Variants in ZFPM2 observed in about 807,000 individuals in gnomAD.
ZFPM2 encodes zinc finger protein ZFPM2.
A neutral mutation model predicts 98.6 loss-of-function variants in ZFPM2; 20 were observed. That is an observed-to-expected ratio of 0.20 (90% confidence interval 0.14 to 0.29). The LOEUF is 0.29. Ranked by LOEUF, ZFPM2 falls within the 10% of genes least tolerant of loss-of-function variation. The pLI is 1.00. For missense variants in ZFPM2, 1,310 were observed against 1,388.6 expected (o/e 0.94, Z 0.90); for synonymous variants, 518 against 502.7 (o/e 1.03, Z -0.41).
chr8:105,571,363 TG>T (rs1815351076), intron 4 of ZFPM2, among the ~76,000 whole-genome samples: 1 of 152,322 alleles, frequency 6.6e-6, no homozygotes, highest in African/African-American at 2.4e-5. Flanking sequence ...AGTGAGGAAG[TG>T]GTTTGTAAAG....
intron 3 of ZFPM2, among the ~76,000 whole-genome samples, chr8:105,469,724 T>C (rs1290284788): frequency 6.6e-6 from 1 of 152,228 alleles, no homozygotes; most frequent in Non-Finnish European, 1.5e-5. Flanking sequence ...CCAGTAAGTT[T>C]TAAAAATTTT....
At chr8:105,474,319 G>C (rs993097555) in intron 3 of ZFPM2, among the ~76,000 whole-genome samples, 3 of 152,166 alleles carry the variant, frequency 2.0e-5, no homozygotes, top group African/African-American at 7.2e-5. Context: ...TTTCAATCCA[G>C]CTACAACTAT....
chr8:105,638,280 C>T (rs1344750011), intron 5 of ZFPM2, among the ~76,000 whole-genome samples: 1 of 151,926 alleles, frequency 6.6e-6, no homozygotes, highest in Non-Finnish European at 1.5e-5. Context: ...CAGCCTGGGG[C>T]CTAAAAGTAA....
At chr8:105,323,823 C>T (rs1020144243) in intron 1 of ZFPM2, among the ~76,000 whole-genome samples, 1 of 151,798 alleles carries the variant, frequency 6.6e-6, no homozygotes, top group African/African-American at 2.4e-5. Context: ...ATTTTTATCT[C>T]TAATTGCTTA....
At chr8:105,331,895 A>G (rs1224875925) in intron 1 of ZFPM2, among the ~76,000 whole-genome samples, 5 of 151,732 alleles carry the variant, frequency 3.3e-5, no homozygotes, top group Admixed American at 3.3e-4. Flanking sequence ...AAGTCAAGTC[A>G]TATCACTTCA....
At chr8:105,410,726 A>G (rs1407903922) in intron 1 of ZFPM2, among the ~76,000 whole-genome samples, 3 of 151,968 alleles carry the variant, frequency 2.0e-5, no homozygotes, top group African/African-American at 7.2e-5. Context: ...AAAAGTGTAT[A>G]TGTGGTATCT....
chr8:105,418,358 C>T (rs1471230647), intron 1 of ZFPM2, among the ~76,000 whole-genome samples: 2 of 152,076 alleles, frequency 1.3e-5, no homozygotes, highest in Non-Finnish European at 2.9e-5. Context: ...ACAATCAGCC[C>T]AGTGGTATTC....
At chr8:105,772,200 G>T (rs1812992505) in intron 5 of ZFPM2, among the ~76,000 whole-genome samples, 1 of 152,146 alleles carries the variant, frequency 6.6e-6, no homozygotes, top group South Asian at 2.1e-4. Context: ...AATGGCAAGG[G>T]TTGAGGGTTG....
chr8:105,703,834 A>C (rs541831921), intron 5 of ZFPM2, among the ~76,000 whole-genome samples: 2 of 152,268 alleles, frequency 1.3e-5, no homozygotes, highest in South Asian at 4.1e-4. Flanking sequence ...CAACTGTTTT[A>C]ATATATGTCT....
chr8:105,414,666 G>T (rs1162517501), intron 1 of ZFPM2, among the ~76,000 whole-genome samples: 2 of 150,816 alleles, frequency 1.3e-5, no homozygotes, highest in African/African-American at 4.9e-5. Flanking sequence ...GGCTATGGAT[G>T]CATTTCAGGG....
intron 1 of ZFPM2, among the ~76,000 whole-genome samples, chr8:105,336,394 G>A (rs1215988144): frequency 1.3e-5 from 2 of 151,618 alleles, no homozygotes; most frequent in Non-Finnish European, 3.0e-5. Flanking sequence ...AAAAGAAATT[G>A]TTCTCTGGTA....
intron 3 of ZFPM2, among the ~76,000 whole-genome samples, chr8:105,444,687 G>T (rs539726755): frequency 5.9e-5 from 9 of 151,696 alleles, no homozygotes; most frequent in Non-Finnish European, 1.3e-4. Context: ...ATTTAAATTG[G>T]GCACACTATT....
intron 3 of ZFPM2, among the ~76,000 whole-genome samples, chr8:105,527,663 G>C (rs751409602): frequency 6.6e-6 from 1 of 152,162 alleles, no homozygotes; most frequent in Non-Finnish European, 1.5e-5. Flanking sequence ...GAGGCAGAGC[G>C]GGTTCTGAGA....
chr8:105,637,883 A>T (rs553672595), intron 5 of ZFPM2, among the ~76,000 whole-genome samples: 17 of 152,018 alleles, frequency 1.1e-4, no homozygotes, highest in African/African-American at 3.6e-4. Flanking sequence ...TAATGCCTAT[A>T]TTATTTATTA....
intron 3 of ZFPM2, among the ~76,000 whole-genome samples, chr8:105,529,738 T>G (rs1586438779): frequency 6.6e-6 from 1 of 152,132 alleles, no homozygotes; most frequent in East Asian, 1.9e-4. Flanking sequence ...TTTTTTTTCT[T>G]TCTTCTTTTT....
chr8:105,701,820 T>G lies in ZFPM2; in HGVS notation c.532+67463T>G, dbSNP rs534033112. On this transcript the variant is annotated intron_variant, in intron 5 of 7. Transcript: ENST00000407775. ...TTTTCAAAAATGAGTATATATATTT[T>G]TTAAGCCAGGGGAATTTTCGTTTAA... 3.9e-5 allele frequency among the ~76,000 whole-genome samples: 6 copies of G among 152,332 alleles called. No individual in the cohort carries two copies. In the East Asian group the frequency reaches 1.2e-3, roughly 29 times the overall value.
chr8:105,374,136 T>A (rs1222772089), intron 1 of ZFPM2, among the ~76,000 whole-genome samples: 1 of 152,198 alleles, frequency 6.6e-6, no homozygotes, highest in East Asian at 1.9e-4. Flanking sequence ...AATTCAGTAA[T>A]ATGTAGGTTT....
At chr8:105,358,255 A>ATT (rs71577973) in intron 1 of ZFPM2, among the ~76,000 whole-genome samples, 25 of 142,948 alleles carry the variant, frequency 1.7e-4, no homozygotes, top group Non-Finnish European at 2.8e-4. Context: ...CCCAAGATTC[A>ATT]TTTTTTTTTT....
intron 3 of ZFPM2, among the ~76,000 whole-genome samples, chr8:105,549,743 C>T (rs919129338): frequency 6.6e-6 from 1 of 151,656 alleles, no homozygotes; most frequent in Admixed American, 6.6e-5. Context: ...TCCCAAGTAG[C>T]AGGGACCACA....
Sources: allele counts gnomAD v4.1 joint callset (sites outside exome capture counted in the v4.1 genomes callset), GRCh38; gene constraint gnomAD v4.1.1; transcripts MANE v1.5; gene names NCBI Gene and HGNC (gene_info 2026-07-23, HGNC 2026-07-21).